PEBP4: variants seen among roughly 807,000 people sequenced by gnomAD.
PEBP4 encodes phosphatidylethanolamine binding protein 4, also known as phosphatidylethanolamine-binding protein 4.
PEBP4 carries 22 observed loss-of-function variants against 23.9 expected under a neutral mutation model. The observed-to-expected ratio is 0.92, with a 90% confidence interval of 0.66 to 1.31. The LOEUF is 1.31. PEBP4 is among the 40% of genes most tolerant of loss of function. PEBP4 has a pLI of 0.00. For missense variants in PEBP4, 324 were observed against 281.7 expected (o/e 1.15, Z -1.07); for synonymous variants, 112 against 99.3 (o/e 1.13, Z -0.76).
At position 22,865,972 on chromosome 8, in the gene PEBP4, CCCCAGCCGGCCGCGCCAGCGCTGCG is replaced by C. The variant is rs1563242519; in HGVS notation, c.259-48262_259-48238del. Among the ~76,000 whole-genome samples the C allele has an allele frequency of 1.3e-5, 2 of 151,960 alleles. No individual in the cohort carries two copies. Among genetic ancestry groups the C allele is most frequent in the African/African-American group, 4.8e-5 (2 of 41,410 alleles). ...CGGTGCTGCCCGGAGAGCGCGCAGC[CCCCAGCCGGCCGCGCCAGCGCTGCG>C]CCCACTCTGCTCTCCCAAACCCAGG... On this transcript the variant is annotated intron_variant, in intron 3 of 6. Transcript: ENST00000256404. The surrounding 1 kb of genome is among the most constrained non-coding windows in gnomAD (Gnocchi z 6.9).
chr8:22,794,171 T>C (rs572858611), intron 4 of PEBP4, among the ~76,000 whole-genome samples: 2 of 152,356 alleles, frequency 1.3e-5, no homozygotes, highest in Admixed American at 6.5e-5. Flanking sequence ...TATTTTTCTA[T>C]TGGTCAAAAA....
chr8:22,801,499 G>A (rs1806379817), intron 4 of PEBP4, among the ~76,000 whole-genome samples: 2 of 152,170 alleles, frequency 1.3e-5, no homozygotes, highest in Non-Finnish European at 2.9e-5. Context: ...GAAGATGCAT[G>A]CAGAAACAGA....
intron 3 of PEBP4, among the ~76,000 whole-genome samples, chr8:22,852,373 G>C (rs1022422461): frequency 1.3e-5 from 2 of 152,046 alleles, no homozygotes; most frequent in African/African-American, 2.4e-5. Context: ...CTGATTACAC[G>C]AACACATTTG....
At chr8:22,735,256 G>A (rs2128749781) in intron 4 of PEBP4, among the ~76,000 whole-genome samples, 1 of 152,294 alleles carries the variant, frequency 6.6e-6, no homozygotes, top group South Asian at 2.1e-4. Context: ...CATGCTGGGG[G>A]GAGCAGAGAT....
chr8:22,914,805 G>A (rs527978817), intron 3 of PEBP4, among the ~76,000 whole-genome samples: 27 of 152,152 alleles, frequency 1.8e-4, no homozygotes, highest in African/African-American at 2.4e-4. Context: ...TGCAGAAGTC[G>A]GTGCCAATGG....
At chr8:22,794,345 G>A (rs1806198556) in intron 4 of PEBP4, among the ~76,000 whole-genome samples, 1 of 151,728 alleles carries the variant, frequency 6.6e-6, no homozygotes, top group African/African-American at 2.4e-5. Flanking sequence ...AAGTTGGAAT[G>A]CAGTAGCTCA....
chr8:22,762,364 C>A (rs1026288672), intron 4 of PEBP4, among the ~76,000 whole-genome samples: 5 of 152,090 alleles, frequency 3.3e-5, no homozygotes, highest in Non-Finnish European at 5.9e-5. Flanking sequence ...TCTAGAAAAG[C>A]AACACAGGGT....
chr8:22,891,484 C>CAAAGCTGT (rs1808490970), intron 3 of PEBP4, among the ~76,000 whole-genome samples: 1 of 152,170 alleles, frequency 6.6e-6, no homozygotes, highest in South Asian at 2.1e-4. Flanking sequence ...ACTCAGAAGA[C>CAAAGCTGT]AAAGCTGTTT....
chr8:22,797,849 G>A (rs2128758145), intron 4 of PEBP4, among the ~76,000 whole-genome samples: 1 of 152,308 alleles, frequency 6.6e-6, no homozygotes, highest in African/African-American at 2.4e-5. Flanking sequence ...CAGAGTGAGT[G>A]CCCTGACCAG....
chr8:22,893,551 T>C (rs1186031652), intron 3 of PEBP4, among the ~76,000 whole-genome samples: 1 of 152,210 alleles, frequency 6.6e-6, no homozygotes, highest in Non-Finnish European at 1.5e-5. Flanking sequence ...ATATTCCATG[T>C]GTTCAAGAAG....
At chr8:22,774,245 C>G (rs1805772756) in intron 4 of PEBP4, among the ~76,000 whole-genome samples, 1 of 152,232 alleles carries the variant, frequency 6.6e-6, no homozygotes, top group Non-Finnish European at 1.5e-5. Context: ...GTCTCTTTCT[C>G]TACTTCCACT....
intron 3 of PEBP4, among the ~76,000 whole-genome samples, chr8:22,872,403 C>A (rs982260611): frequency 6.6e-6 from 1 of 152,236 alleles, no homozygotes; most frequent in Non-Finnish European, 1.5e-5. Flanking sequence ...GACAGGACCC[C>A]TTTTTGCAGT....
chr8:22,804,919 G>A (rs536328556), intron 4 of PEBP4, among the ~76,000 whole-genome samples: 4 of 152,196 alleles, frequency 2.6e-5, no homozygotes, highest in Admixed American at 6.5e-5. Flanking sequence ...CTGTTCCCTC[G>A]GCCCGGCTGC....
rs192717870 is a variant in PEBP4 at position 22,910,042 on chromosome 8, C to G, written c.258+10142G>C. 1.3e-5 allele frequency among the ~76,000 whole-genome samples: 2 copies of G among 152,320 alleles called. 1 individual carries two copies. The highest frequency in any genetic ancestry group is 2.9e-5 in the Non-Finnish European group (2 of 68,026). On this transcript the variant is annotated intron_variant, in intron 3 of 6. Transcript: ENST00000256404. ...ATGTCCGCCAGGTTGTGAGGAGGCT[C>G]AAACGAGGTACTGAGGCAGCACACC...
At chr8:22,764,950 G>A (rs2128753343) in intron 4 of PEBP4, among the ~76,000 whole-genome samples, 1 of 152,132 alleles carries the variant, frequency 6.6e-6, no homozygotes, top group East Asian at 1.9e-4. Flanking sequence ...GAGAGAGGAG[G>A]GGATGGACTT....
chr8:22,848,258 C>CGA (rs770655931), intron 3 of PEBP4, among the ~76,000 whole-genome samples: 22 of 152,240 alleles, frequency 1.4e-4, no homozygotes, highest in Non-Finnish European at 2.2e-4. Flanking sequence ...CAGAGAGAGA[C>CGA]GAGAGGCTGT....
At chr8:22,786,173 T>C (rs1027945539) in intron 4 of PEBP4, among the ~76,000 whole-genome samples, 2 of 152,238 alleles carry the variant, frequency 1.3e-5, no homozygotes, top group Non-Finnish European at 2.9e-5. Flanking sequence ...GGCTCTGGAT[T>C]AGTGGTACTA....
intron 4 of PEBP4, among the ~76,000 whole-genome samples, chr8:22,749,869 C>T (rs754735506): frequency 3.5e-5 from 5 of 144,100 alleles, no homozygotes; most frequent in East Asian, 2.0e-4. Flanking sequence ...TGCAATGGCA[C>T]GATGTTGTCT....
chr8:22,883,433 C>T (rs1159187785), intron 3 of PEBP4, among the ~76,000 whole-genome samples: 5 of 152,120 alleles, frequency 3.3e-5, no homozygotes, highest in Admixed American at 6.5e-5. Flanking sequence ...CCTGATCTCC[C>T]TGTGCCCCAA....
Sources: allele counts gnomAD v4.1 joint callset (sites outside exome capture counted in the v4.1 genomes callset), GRCh38; gene constraint gnomAD v4.1.1; non-coding constraint Gnocchi (gnomAD v3.1); transcripts MANE v1.5; gene names NCBI Gene and HGNC (gene_info 2026-07-23, HGNC 2026-07-21).